Variants in CFAP74 observed in about 807,000 individuals in gnomAD.
CFAP74 encodes cilia and flagella associated protein 74.
Under a neutral mutation model 188.9 loss-of-function variants are expected in CFAP74, and 124 were observed. That is an observed-to-expected ratio of 0.66 (90% CI 0.57 to 0.76). The LOEUF (loss-of-function observed/expected upper bound fraction) is 0.76. Among genes scored for constraint, CFAP74 ranks in the 30% least tolerant of loss-of-function variants. The pLI, the probability that CFAP74 is intolerant of heterozygous loss-of-function variation, is 0.00. For missense variants in CFAP74, 2,198 were observed against 2,165.2 expected (o/e 1.02, Z -0.30); for synonymous variants, 956 against 916.7 (o/e 1.04, Z -0.77).
At chr1:1,945,718 C>T (rs536788781) in intron 20 of CFAP74, among the ~76,000 whole-genome samples, 58 of 151,756 alleles carry the variant, frequency 3.8e-4, no homozygotes, top group Admixed American at 9.2e-4. Flanking sequence ...ATCCCAGCTA[C>T]TCGAGAGGTT....
chr1:1,927,138 T>C, intron 28 of CFAP74, 110 bp from the exon 29 acceptor site: 2 of 1,306,058 alleles, frequency 1.5e-6, no homozygotes, highest in South Asian at 1.4e-5. Flanking sequence ...GGTCCCAAGC[T>C]GTGGCTGTCC....
intron 18 of CFAP74, among the ~76,000 whole-genome samples, chr1:1,948,412 AATATAT>A (rs56005703): frequency 6.9e-6 from 1 of 144,408 alleles, no homozygotes; most frequent in Non-Finnish European, 1.5e-5. Context: ...GGCATATATA[AATATAT>A]ATATATATAT....
chr1:2,000,678 C>T (rs1223256393), intron 1 of CFAP74, among the ~76,000 whole-genome samples: 2 of 152,202 alleles, frequency 1.3e-5, no homozygotes, highest in African/African-American at 4.8e-5. Flanking sequence ...AAATTCCAAT[C>T]TTCATAGGAC....
chr1:1,926,698 C>T lies in CFAP74; in HGVS notation c.3726G>A (p.Thr1242=), dbSNP rs1160412490. The T allele has an allele frequency of 2.4e-5, 37 of 1,550,018 alleles. No homozygotes were observed. The highest frequency in any genetic ancestry group is 1.5e-4 in the East Asian group (6 of 40,910). The change falls in exon 30 of 39, where the codon ACG becomes ACA. Residue 1242 remains threonine (T), a synonymous_variant. Coordinates refer to ENST00000682832, the MANE Select transcript of CFAP74 (RefSeq NM_001304360.2). ...TAAAGATGGTCTTGCCTTTATGGGA[C>T]GTCACCACAACAGATGGTGCCACCG... ...CPTVAPSVVV[T]SHKGKTIFNF...
At chr1:1,963,990 G>A in intron 13 of CFAP74, 123 bp from the exon 14 acceptor site, 3 of 712,234 alleles carry the variant, frequency 4.2e-6, no homozygotes, top group Non-Finnish European at 7.4e-6. Context: ...AGGTTCCCAG[G>A]GAACAATTTC....
intron 2 of CFAP74, 125 bp downstream of exon 2, chr1:1,990,765 A>T: frequency 1.6e-6 from 1 of 627,810 alleles, no homozygotes; most frequent in Non-Finnish European, 2.7e-6. Context: ...CCTCTTTGAG[A>T]GAAAAATATG....
chr1:1,993,670 C>T (rs917490589), intron 1 of CFAP74, among the ~76,000 whole-genome samples: 1 of 151,594 alleles, frequency 6.6e-6, no homozygotes, highest in African/African-American at 2.4e-5. Flanking sequence ...GATTAATATA[C>T]AAAACAGCTG....
chr1:1,977,006 C>T (rs184453140), intron 6 of CFAP74, among the ~76,000 whole-genome samples: 44 of 152,042 alleles, frequency 2.9e-4, no homozygotes, highest in Admixed American at 8.5e-4. Context: ...CCACCATGCC[C>T]GGCTAATTTT....
At chr1:1,955,598 C>G (rs748580301) in intron 18 of CFAP74, 93 bp downstream of exon 18, 1 of 1,612,000 alleles carries the variant, frequency 6.2e-7, no homozygotes, top group Non-Finnish European at 8.5e-7. Context: ...TCTCTACTTT[C>G]CAGCCCTCCC....
chr1:1,961,755 C>G (rs575960175), intron 14 of CFAP74, among the ~76,000 whole-genome samples: 4 of 152,304 alleles, frequency 2.6e-5, no homozygotes, highest in South Asian at 2.1e-4. Flanking sequence ...CCCGCCTTCA[C>G]AGAGAGCTAC....
At chr1:1,993,010 G>A (rs1432609459) in intron 1 of CFAP74, among the ~76,000 whole-genome samples, 1 of 151,238 alleles carries the variant, frequency 6.6e-6, no homozygotes, top group African/African-American at 2.4e-5. Context: ...AGACCAGCCT[G>A]GCCAGCATGG....
intron 18 of CFAP74, among the ~76,000 whole-genome samples, chr1:1,947,690 C>T (rs1006891578): frequency 6.6e-6 from 1 of 152,210 alleles, no homozygotes; most frequent in East Asian, 1.9e-4. Flanking sequence ...GCTGCCCGGT[C>T]GGGTCAGAGC....
Position 1,961,430 on chromosome 1 carries a change from G to A in CFAP74, c.1695-1400C>T, listed in dbSNP as rs569859239. Among the ~76,000 whole-genome samples, 12 of 152,310 alleles carry A rather than the reference G, an allele frequency of 7.9e-5. No individual in the cohort carries two copies. In the South Asian group the frequency reaches 2.5e-3, roughly 32 times the overall value. On this transcript the variant is annotated intron_variant, in intron 14 of 38. Transcript: ENST00000682832. Reference sequence around the variant, plus strand: ...CTCCAAAAAAACCAGCACCTGGACCGAGGCCACCTCCCACTCCAGCAACAA... The same window carrying A: ...CTCCAAAAAAACCAGCACCTGGACCAAGGCCACCTCCCACTCCAGCAACAA...
chr1:1,960,042 G>A lies in CFAP74; in HGVS notation c.1695-12C>T, dbSNP rs1263884337. 1 of 1,593,422 alleles carries A rather than the reference G, an allele frequency of 6.3e-7. No individual in the cohort carries two copies. Among genetic ancestry groups the A allele is most frequent in the African/African-American group, 1.4e-5 (1 of 72,722 alleles). On this transcript the variant is annotated splice_polypyrimidine_tract_variant and intron_variant, in intron 14 of 38. Transcript: ENST00000682832. ...CAGGGGGGTCAAAGCTGCAGGACGTGACCCATAGCACACGGGGGTTAGTGC... is the reference window on the plus strand; with the variant it reads ...CAGGGGGGTCAAAGCTGCAGGACGTAACCCATAGCACACGGGGGTTAGTGC...
intron 13 of CFAP74, among the ~76,000 whole-genome samples, chr1:1,964,225 C>T (rs1655297614): frequency 6.6e-6 from 1 of 152,244 alleles, no homozygotes; most frequent in African/African-American, 2.4e-5. Flanking sequence ...CCACAGCCTG[C>T]TCTGTCTTGC....
At chr1:1,978,800 G>A (rs540982781) in intron 6 of CFAP74, among the ~76,000 whole-genome samples, 6 of 152,344 alleles carry the variant, frequency 3.9e-5, no homozygotes, top group Admixed American at 1.3e-4. Flanking sequence ...GATGGGATAC[G>A]GGTGCAGTCA....
intron 18 of CFAP74, chr1:1,954,054 G>A (rs1428258264): frequency 1.3e-5 from 2 of 152,272 alleles, no homozygotes; most frequent in African/African-American, 4.8e-5. Flanking sequence ...AAACAGAGAT[G>A]TCACACCAAA....
At position 1,959,947 on chromosome 1, in the gene CFAP74, G is replaced by A. The variant is rs199697525; in HGVS notation, c.1761+17C>T. The A allele has an allele frequency of 1.5e-5, 24 of 1,575,974 alleles. No homozygotes were observed. In the Admixed American group the frequency reaches 3.0e-4, roughly 19 times the overall value. On this transcript the variant is annotated intron_variant, in intron 15 of 38. Coordinates refer to ENST00000682832, the MANE Select transcript of CFAP74 (RefSeq NM_001304360.2). Reference sequence around the variant, plus strand: ...CACCACCTCCCCTTCGAGAGAGAACGGGCCCCTCTGACTCACCATCGGCTT... The same window carrying A: ...CACCACCTCCCCTTCGAGAGAGAACAGGCCCCTCTGACTCACCATCGGCTT...
At chr1:1,950,193 T>C (rs746457895) in intron 18 of CFAP74, among the ~76,000 whole-genome samples, 19 of 152,216 alleles carry the variant, frequency 1.2e-4, no homozygotes, top group Admixed American at 3.9e-4. Flanking sequence ...GCTGTTCTTA[T>C]AGGTGTGTAG....
Sources: allele counts gnomAD v4.1 joint callset (sites outside exome capture counted in the v4.1 genomes callset), GRCh38; gene constraint gnomAD v4.1.1; transcripts MANE v1.5; gene names NCBI Gene and HGNC (gene_info 2026-07-23, HGNC 2026-07-21).